Variants in FAM161B observed in about 807,000 individuals in gnomAD.
FAM161B encodes FAM161 centrosomal protein B.
A neutral mutation model predicts 61.5 loss-of-function variants in FAM161B; 46 were observed. The ratio of observed to expected loss-of-function variants is 0.75; its 90% CI spans 0.59 to 0.96. The LOEUF (loss-of-function observed/expected upper bound fraction) is 0.96, where lower values mean the gene tolerates loss of function less well. Among genes scored for constraint, FAM161B ranks in the 40% least tolerant of loss-of-function variants. The pLI is 0.00. For missense variants in FAM161B, 774 were observed against 800.7 expected, an observed-to-expected ratio of 0.97 and a Z score of 0.40; for synonymous variants, 284 against 302.7, an observed-to-expected ratio of 0.94 and a Z score of 0.64.
At chr14:73,937,554 G>A in intron 7 of FAM161B, 48 bp downstream of exon 7, 1 of 1,531,726 alleles carries the variant, frequency 6.5e-7, no homozygotes, top group African/African-American at 1.4e-5. Context: ...ATTTTTCAGA[G>A]TCCTTTTATC....
chr14:73,947,973 G>A (rs1417030430), intron 1 of FAM161B, among the ~76,000 whole-genome samples: 1 of 152,058 alleles, frequency 6.6e-6, no homozygotes, highest in Non-Finnish European at 1.5e-5. Context: ...AGGTTCTGGA[G>A]TGCAGTGGTG....
At chr14:73,941,741 T>G (rs185540200) in intron 4 of FAM161B, among the ~76,000 whole-genome samples, 135 of 152,270 alleles carry the variant, frequency 8.9e-4, no homozygotes, top group Non-Finnish European at 1.5e-3. Flanking sequence ...CTTTCACTCT[T>G]GTTGTCCAGG....
chr14:73,946,662 T>A, intron 1 of FAM161B, 57 bp from the exon 2 acceptor site: 1 of 1,548,004 alleles, frequency 6.5e-7, no homozygotes, highest in African/African-American at 1.4e-5. Context: ...GGTATTCAAA[T>A]CATAACTTAA....
chr14:73,938,535 G>A (rs2055990380), intron 5 of FAM161B, among the ~76,000 whole-genome samples: 1 of 151,920 alleles, frequency 6.6e-6, no homozygotes, highest in African/African-American at 2.4e-5. Context: ...CACTTTGGGA[G>A]GCCGAGGCGG....
At position 73,944,408 on chromosome 14, in the gene FAM161B, C is replaced by T. The variant is rs1049356195; in HGVS notation, c.852G>A (p.Lys284=). 5.6e-6 allele frequency: 9 copies of T among 1,611,094 alleles called. No homozygotes were observed. The Admixed American group carries it at 1.3e-4, about 24-fold the overall frequency. Residue 284 remains lysine (K), a synonymous_variant, in exon 3 of 9, where the codon AAG becomes AAA. Transcript: ENST00000286544. ...QRDLAATAEA[K]ISKQKATRRI... is the part of the protein sequence containing the mutation. The stretch of plus-strand genomic sequence containing the variant: ...TTCTGGTGGCCTTCTGCTTGGAGAT[C>T]TTGGCTTCAGCTGTGGCTGCCAAGT...
chr14:73,941,337 G>A (rs2056016995), intron 4 of FAM161B, among the ~76,000 whole-genome samples: 2 of 152,082 alleles, frequency 1.3e-5, no homozygotes, highest in Admixed American at 6.5e-5. Flanking sequence ...GGTCAGGCTG[G>A]TCTCGAATTC....
rs751270719 is a variant in FAM161B at position 73,937,624 on chromosome 14, T to C, written c.1643A>G (p.Tyr548Cys). ...EMKQRIQTRP[Y>C]LFEQVAKDLA... ...TACCTTGGCAACTTGTTCAAAGAGA[T>C]AGGGCCTTGTTTGTATTCGCTGCTT... Residue 548 changes from tyrosine to cysteine, a missense_variant, in exon 7 of 9, where the codon TAT becomes TGT. Physicochemically the swap from Tyr to Cys is radical, Grantham distance 194. Transcript: ENST00000286544. 4.9e-5 allele frequency: 79 copies of C among 1,613,974 alleles called. No individual in the cohort carries two copies. Among genetic ancestry groups the C allele is most frequent in the Non-Finnish European group, 6.4e-5 (76 of 1,180,016 alleles).
chr14:73,946,478 G>C lies in FAM161B; in HGVS notation c.182C>G (p.Ser61Cys), dbSNP rs545937255. Residue 61 changes from serine (S) to cysteine (C), a missense_variant, in exon 2 of 9, where the codon TCT (serine) becomes TGT (cysteine). Physicochemically the swap from Ser to Cys is moderately radical, Grantham distance 112 (BLOSUM62 -1). Transcript: ENST00000286544. The stretch of plus-strand genomic sequence containing the variant: ...CTGGTAAATGCTCCCAGTTGAGTCA[G>C]AAGTAGAATCTATCTCCTCCTCTGG... Reference protein sequence around the residue: ...LSPEEEIDSTSDSTGSIYQNL... With the variant: ...LSPEEEIDSTCDSTGSIYQNL... 2 of 1,614,188 alleles carry C rather than the reference G, an allele frequency of 1.2e-6. No individual in the cohort carries two copies. Among genetic ancestry groups the C allele is most frequent in the Admixed American group, 1.7e-5 (1 of 60,026 alleles).
Position 73,946,483 on chromosome 14 carries a change from A to G in FAM161B, c.177T>C (p.Ser59=). Residue 59 remains serine, a synonymous_variant, in exon 2 of 9, where the codon TCT becomes TCC. Transcript: ENST00000286544. The part of the protein sequence containing the change: ...EFLSPEEEID[S]TSDSTGSIYQ... Reference sequence around the variant, plus strand: ...AAATGCTCCCAGTTGAGTCAGAAGTAGAATCTATCTCCTCCTCTGGGCTGA... The same window carrying G: ...AAATGCTCCCAGTTGAGTCAGAAGTGGAATCTATCTCCTCCTCTGGGCTGA... 6.2e-7 allele frequency: 1 copy of G among 1,614,250 alleles called. No homozygotes were observed. Among genetic ancestry groups the G allele is most frequent in the Non-Finnish European group, 8.5e-7 (1 of 1,180,046 alleles).
chr14:73,948,197 T>G (rs1158879758), intron 1 of FAM161B, among the ~76,000 whole-genome samples: 1 of 152,232 alleles, frequency 6.6e-6, no homozygotes, highest in Non-Finnish European at 1.5e-5. Flanking sequence ...GTGCTGGGAT[T>G]ACAGGCGTGA....
chr14:73,950,084 G>C lies in FAM161B; in HGVS notation c.-58C>G. 2 of 1,606,242 alleles carry C rather than the reference G, an allele frequency of 1.2e-6. No individual in the cohort carries two copies. ...AGCGATAGTGGCAGCAGCGGTGGCA[G>C]CGAGAGCTATGCGGGGCCAGGGTCC... On this transcript the variant is annotated 5_prime_UTR_variant, in exon 1 of 9. Coordinates refer to ENST00000286544, the MANE Select transcript of FAM161B (RefSeq NM_152445.3).
the FAM161B span, among the ~76,000 whole-genome samples, chr14:73,926,006 C>A: frequency 6.6e-6 from 1 of 152,168 alleles, no homozygotes; most frequent in African/African-American, 2.4e-5. Flanking sequence ...TGTACTCCAG[C>A]CTGGGTGACA....
At chr14:73,926,388 T>TTC in the FAM161B span, among the ~76,000 whole-genome samples, 11 of 152,038 alleles carry the variant, frequency 7.2e-5, no homozygotes, top group East Asian at 3.9e-4. Flanking sequence ...TCCTTTTTTT[T>TTC]CAGTATGGTT....
downstream of FAM161B, among the ~76,000 whole-genome samples, chr14:73,930,197 T>G (rs2055890711): frequency 1.3e-5 from 2 of 152,346 alleles, no homozygotes; most frequent in Middle Eastern, 3.4e-3. Flanking sequence ...GATCTTGGCC[T>G]CCATTAAAAA....
At chr14:73,923,313 T>A in the FAM161B span, 5 of 1,468,716 alleles carry the variant, frequency 3.4e-6, no homozygotes, top group Non-Finnish European at 3.7e-6. Flanking sequence ...AGTTTTAGAG[T>A]TGTTAATGAG....
intron 8 of FAM161B, 65 bp from the exon 9 acceptor site, chr14:73,934,459 A>AC: frequency 6.7e-7 from 1 of 1,494,720 alleles, no homozygotes; most frequent in Non-Finnish European, 9.0e-7. Context: ...TCTCACTCTC[A>AC]CCCAGGCTGG....
downstream of FAM161B, among the ~76,000 whole-genome samples, chr14:73,930,119 A>G (rs2055889734): frequency 6.6e-6 from 1 of 152,196 alleles, no homozygotes; most frequent in Non-Finnish European, 1.5e-5. Context: ...TCAAGGCACA[A>G]ATAGAAATTA....
At chr14:73,925,924 C>G in the FAM161B span, among the ~76,000 whole-genome samples, 2 of 152,118 alleles carry the variant, frequency 1.3e-5, no homozygotes, top group African/African-American at 4.8e-5. Flanking sequence ...GTCCCAACTA[C>G]TCGGGAGGCT....
intron 2 of FAM161B, 139 bp from the exon 3 acceptor site, chr14:73,945,024 T>A: frequency 1.7e-6 from 1 of 589,646 alleles, no homozygotes; most frequent in Non-Finnish European, 2.6e-6. Context: ...CAGGCCTCTA[T>A]GTCCATGACC....
Sources: gnomAD v4.1 joint callset for allele counts (sites outside exome capture counted in the v4.1 genomes callset) on GRCh38, gnomAD v4.1.1 for gene constraint, MANE v1.5 for transcripts, NCBI Gene and HGNC (gene_info 2026-07-23, HGNC 2026-07-21) for gene names.